The following ERC2 variants were observed in gnomAD, a reference collection of about 807,000 sequenced individuals.
ERC2 encodes the protein ELKS/RAB6-interacting/CAST family member 2.
In ERC2, 42 loss-of-function variants were observed where a neutral mutation model predicts 114.8. The ratio of observed to expected loss-of-function variants is 0.37; its 90% confidence interval spans 0.29 to 0.47. The LOEUF (loss-of-function observed/expected upper bound fraction) is 0.47, where lower values mean the gene tolerates loss of function less well. Ranked by LOEUF, ERC2 falls within the 20% of genes least tolerant of loss-of-function variation. ERC2 has a pLI of 0.99. For missense variants in ERC2, 939 were observed against 1,150.7 expected (o/e 0.82, Z 2.66); for synonymous variants, 454 against 425.5 (o/e 1.07, Z -0.82).
At chr3:55,831,326 G>A (rs1259023320) in intron 14 of ERC2, among the ~76,000 whole-genome samples, 1 of 120,902 alleles carries the variant, frequency 8.3e-6, no homozygotes. Flanking sequence ...GGAAAGAAGA[G>A]GGGAGGGGAA....
intron 17 of ERC2, among the ~76,000 whole-genome samples, chr3:55,670,303 G>T (rs1447994915): frequency 6.6e-6 from 1 of 152,212 alleles, no homozygotes; most frequent in African/African-American, 2.4e-5. Context: ...AGGAGGAAGA[G>T]GTGGTGAAAT....
At chr3:56,416,615 A>C (rs959108194) in intron 2 of ERC2, among the ~76,000 whole-genome samples, 1 of 150,176 alleles carries the variant, frequency 6.7e-6, no homozygotes, top group East Asian at 2.0e-4. Context: ...CTACTCAACA[A>C]CACCACTTGG....
rs1441468512 is a variant in ERC2, at chr3:56,224,945, T to A, written c.1075-51425A>T. ...TTCTCACTGGGAGTGTTATCTCCTA[T>A]CAACTCTTTTCTTGGCCTCTGATAA... On this transcript the variant is annotated intron_variant, in intron 3 of 17. Coordinates refer to ENST00000288221, the MANE Select transcript of ERC2 (RefSeq NM_015576.3). Among the ~76,000 whole-genome samples the A allele has an allele frequency of 3.9e-5, 6 of 152,206 alleles. No homozygotes were observed. In the East Asian group the frequency reaches 7.7e-4, roughly 20 times the overall value.
intron 4 of ERC2, among the ~76,000 whole-genome samples, chr3:56,170,601 T>TGTTG (rs747777983): frequency 1.4e-5 from 2 of 143,510 alleles, no homozygotes; most frequent in Non-Finnish European, 1.5e-5. Flanking sequence ...TTTTTTTTTT[T>TGTTG]TTTTTTTTTT....
At chr3:55,858,387 G>T (rs923221629) in intron 14 of ERC2, among the ~76,000 whole-genome samples, 3 of 152,094 alleles carry the variant, frequency 2.0e-5, no homozygotes, top group Admixed American at 2.0e-4. Context: ...TAAAATAAAA[G>T]CTCTTATTCA....
chr3:55,586,174 G>A (rs1176724026), intron 17 of ERC2, among the ~76,000 whole-genome samples: 1 of 152,148 alleles, frequency 6.6e-6, no homozygotes, highest in Non-Finnish European at 1.5e-5. Flanking sequence ...GCAGAGGGTT[G>A]GGGAAAGGAC....
chr3:55,546,404 C>A (rs983371002), intron 17 of ERC2, among the ~76,000 whole-genome samples: 1 of 152,212 alleles, frequency 6.6e-6, no homozygotes, highest in Non-Finnish European at 1.5e-5. Flanking sequence ...CACCCCCACC[C>A]CTTCTCTGGG....
At chr3:56,443,697 A>T (rs1229394345) in intron 1 of ERC2, among the ~76,000 whole-genome samples, 3 of 150,398 alleles carry the variant, frequency 2.0e-5, no homozygotes, top group Non-Finnish European at 3.0e-5. Context: ...TTTCTCATCT[A>T]TCCTGATTTG....
intron 2 of ERC2, among the ~76,000 whole-genome samples, chr3:56,385,073 A>C (rs2059887554): frequency 6.6e-6 from 1 of 152,160 alleles, no homozygotes; most frequent in Admixed American, 6.6e-5. Flanking sequence ...AAAAATGTGA[A>C]ATGAATAGAT....
intron 1 of ERC2, among the ~76,000 whole-genome samples, chr3:56,451,711 A>T (rs571389739): frequency 2.0e-5 from 3 of 152,368 alleles, no homozygotes; most frequent in Non-Finnish European, 4.4e-5. Flanking sequence ...ATAAAAATAA[A>T]TAAAAAGGGA....
At chr3:56,378,439 G>T (rs1275414678) in intron 2 of ERC2, among the ~76,000 whole-genome samples, 1 of 98,418 alleles carries the variant, frequency 1.0e-5, no homozygotes. Flanking sequence ...GGGGAGGGGG[G>T]AGGGATATCA....
intron 1 of ERC2, among the ~76,000 whole-genome samples, chr3:56,439,054 A>G (rs2062162846): frequency 6.6e-6 from 1 of 152,230 alleles, no homozygotes. Flanking sequence ...TATCATAGAT[A>G]GATTGAGAAG....
At chr3:55,811,421 T>C (rs1445138907) in intron 14 of ERC2, among the ~76,000 whole-genome samples, 1 of 152,208 alleles carries the variant, frequency 6.6e-6, no homozygotes, top group South Asian at 2.1e-4. Context: ...TCATACATGA[T>C]GAAAACTGGA....
Position 55,933,095 on chromosome 3 carries a change from C to T in ERC2, c.2403+17330G>A, listed in dbSNP as rs957734244. 4.6e-5 allele frequency among the ~76,000 whole-genome samples: 7 copies of T among 151,954 alleles called. No homozygotes were observed. In the East Asian group the frequency reaches 9.7e-4, roughly 21 times the overall value. The stretch of plus-strand genomic sequence containing the variant: ...ATGGTGGTGAGTGCCTGTAATCCCA[C>T]CTACTCGAGAGGCTGAGGCAGGAGA... On this transcript the variant is annotated intron_variant, in intron 13 of 17. Transcript: ENST00000288221.
intron 14 of ERC2, among the ~76,000 whole-genome samples, chr3:55,843,527 A>T (rs2061225895): frequency 6.6e-6 from 1 of 152,248 alleles, no homozygotes; most frequent in Non-Finnish European, 1.5e-5. Flanking sequence ...GTGCAAGTTC[A>T]AGAAGAGATC....
intron 17 of ERC2, among the ~76,000 whole-genome samples, chr3:55,531,110 G>A (rs2107273357): frequency 6.6e-6 from 1 of 152,202 alleles, no homozygotes; most frequent in Non-Finnish European, 1.5e-5. Context: ...GAGAGGCACA[G>A]GCTGAGGGGA....
At chr3:55,685,710 C>T (rs780226529) in intron 16 of ERC2, among the ~76,000 whole-genome samples, 3 of 152,140 alleles carry the variant, frequency 2.0e-5, no homozygotes, top group Non-Finnish European at 4.4e-5. Context: ...TCTTGACCCC[C>T]AGAATCGCTG....
chr3:55,992,849 C>T (rs7641427), intron 10 of ERC2, among the ~76,000 whole-genome samples: 107,739 of 151,986 alleles, frequency 0.71, 38,327 homozygotes, highest in East Asian at 0.83. Flanking sequence ...ACCCATAAAT[C>T]CTCATTCTCT....
chr3:56,355,766 C>T (rs1270098691), intron 2 of ERC2, among the ~76,000 whole-genome samples: 1 of 152,188 alleles, frequency 6.6e-6, no homozygotes, highest in Non-Finnish European at 1.5e-5. Context: ...TCTGGTTCCT[C>T]TTTCCCTCTC....
Sources: gnomAD v4.1 joint callset for allele counts (sites outside exome capture counted in the v4.1 genomes callset) on GRCh38, gnomAD v4.1.1 for gene constraint, MANE v1.5 for transcripts, NCBI Gene and HGNC (gene_info 2026-07-23, HGNC 2026-07-21) for gene names.